Variants in EFCAB5 observed in about 807,000 individuals in gnomAD.
EFCAB5 encodes the protein EF-hand calcium-binding domain-containing protein 5.
EFCAB5 carries 131 observed loss-of-function variants against 167.9 expected under a neutral mutation model. The observed-to-expected ratio is 0.78, with a 90% CI of 0.68 to 0.90. EFCAB5 has a LOEUF of 0.90. EFCAB5 is among the 40% of genes least tolerant of loss of function. EFCAB5 has a pLI of 0.00. For synonymous variants in EFCAB5, 574 were observed against 602.8 expected (o/e 0.95, Z 0.70); for missense variants, 1,663 against 1,745.2 (o/e 0.95, Z 0.84).
chr17:30,007,860 G>A (rs990504048), intron 7 of EFCAB5, among the ~76,000 whole-genome samples: 4 of 152,054 alleles, frequency 2.6e-5, no homozygotes, highest in Admixed American at 1.3e-4. Flanking sequence ...GGTGGCTCAC[G>A]CCTGTAATCC....
intron 8 of EFCAB5, among the ~76,000 whole-genome samples, chr17:30,046,279 T>C (rs1163885799): frequency 3.3e-5 from 5 of 152,152 alleles, no homozygotes; most frequent in East Asian, 3.8e-4. Context: ...TAATCACTTA[T>C]GGTTGCTTGG....
intron 14 of EFCAB5, among the ~76,000 whole-genome samples, chr17:30,060,577 T>C (rs773906629): frequency 6.6e-5 from 10 of 152,328 alleles, no homozygotes; most frequent in Non-Finnish European, 1.3e-4. Flanking sequence ...AGGGAAAGAA[T>C]TGTCAAGGTT....
intron 1 of EFCAB5, chr17:29,930,008 C>G (rs1427244472): frequency 6.8e-7 from 1 of 1,474,512 alleles, no homozygotes; most frequent in Non-Finnish European, 9.1e-7. Flanking sequence ...CATCTAGGCG[C>G]TGCTGGGTTG....
At chr17:30,085,330 C>T (rs2071065341) in intron 18 of EFCAB5, among the ~76,000 whole-genome samples, 1 of 152,206 alleles carries the variant, frequency 6.6e-6, no homozygotes, top group Non-Finnish European at 1.5e-5. Flanking sequence ...CCCAAAGCAC[C>T]TCTGTCTATT....
chr17:30,005,482 T>C (rs1346045119), intron 7 of EFCAB5, among the ~76,000 whole-genome samples: 2 of 152,254 alleles, frequency 1.3e-5, no homozygotes, highest in Non-Finnish European at 2.9e-5. Context: ...CCATCTTACC[T>C]GATTTTTATT....
intron 7 of EFCAB5, among the ~76,000 whole-genome samples, chr17:30,021,979 A>G (rs952093291): frequency 6.6e-6 from 1 of 152,202 alleles, no homozygotes; most frequent in East Asian, 1.9e-4. Context: ...TGGAGTATGG[A>G]GAAAACTGAG....
chr17:30,094,707 T>A (rs2071264475), intron 22 of EFCAB5, among the ~76,000 whole-genome samples: 1 of 151,838 alleles, frequency 6.6e-6, no homozygotes, highest in African/African-American at 2.4e-5. Context: ...AAAAAGGAGA[T>A]ACTTTTTTTA....
chr17:30,006,031 C>A (rs182963954), intron 7 of EFCAB5, among the ~76,000 whole-genome samples: 1 of 152,338 alleles, frequency 6.6e-6, no homozygotes, highest in East Asian at 1.9e-4. Flanking sequence ...GCCTAACCAA[C>A]GTATACCTTC....
chr17:30,041,878 T>C (rs142900300), intron 8 of EFCAB5, among the ~76,000 whole-genome samples: 1 of 152,224 alleles, frequency 6.6e-6, no homozygotes, highest in Non-Finnish European at 1.5e-5. Flanking sequence ...CAGATGATCA[T>C]TAGCATTTTT....
intron 8 of EFCAB5, among the ~76,000 whole-genome samples, chr17:30,050,616 A>G (rs1381917070): frequency 6.6e-6 from 1 of 152,148 alleles, no homozygotes; most frequent in African/African-American, 2.4e-5. Context: ...TTTTGAAGCA[A>G]TGGAGGTCTC....
chr17:30,082,066 T>C (rs2070997765), intron 17 of EFCAB5, among the ~76,000 whole-genome samples: 1 of 152,200 alleles, frequency 6.6e-6, no homozygotes, highest in South Asian at 2.1e-4. Context: ...ATCCCTTCTC[T>C]GTGGAACAGG....
chr17:29,981,531 T>C (rs1251157054), intron 4 of EFCAB5, among the ~76,000 whole-genome samples: 2 of 152,226 alleles, frequency 1.3e-5, no homozygotes, highest in African/African-American at 2.4e-5. Context: ...ATTGCACTTA[T>C]CACAGTTGTG....
At chr17:29,966,663 T>C (rs187151217) in intron 3 of EFCAB5, among the ~76,000 whole-genome samples, 1 of 152,286 alleles carries the variant, frequency 6.6e-6, no homozygotes, top group East Asian at 1.9e-4. Context: ...GTTTCTCTAC[T>C]GTAAAGTTAT....
At chr17:29,971,735 T>C (rs542046334) in intron 4 of EFCAB5, among the ~76,000 whole-genome samples, 1 of 152,330 alleles carries the variant, frequency 6.6e-6, no homozygotes, top group South Asian at 2.1e-4. Context: ...TTGCTATGTA[T>C]TTGGGTACAC....
chr17:30,077,335 C>G (rs9909621), intron 14 of EFCAB5, among the ~76,000 whole-genome samples: 1 of 151,870 alleles, frequency 6.6e-6, no homozygotes, highest in Non-Finnish European at 1.5e-5. Flanking sequence ...AAATGCAAAA[C>G]GAAACCACGT....
chr17:30,096,674 TA>T (rs1345207678), intron 22 of EFCAB5, among the ~76,000 whole-genome samples: 1,735 of 62,850 alleles, frequency 0.028, 34 homozygotes, highest in South Asian at 0.075. Flanking sequence ...TATATATATA[TA>T]TATTTTTTTT....
chr17:30,002,184 A>AT lies in EFCAB5; in HGVS notation c.1044+2215dup, dbSNP rs1179575671. 9.9e-5 allele frequency among the ~76,000 whole-genome samples: 15 copies of AT among 152,234 alleles called. No homozygotes were observed. In the South Asian group the frequency reaches 2.7e-3, roughly 27 times the overall value. On this transcript the variant is annotated intron_variant, in intron 7 of 22. Coordinates refer to ENST00000394835, the MANE Select transcript of EFCAB5 (RefSeq NM_198529.4). Reference sequence around the variant, plus strand: ...AATATTCTTTAAAACATGTTTTAAAATTTTTTTATTTTGAAATAATTATAT... The same window carrying AT: ...AATATTCTTTAAAACATGTTTTAAAATTTTTTTTATTTTGAAATAATTATAT...
rs527424160 is a variant in EFCAB5, at chr17:30,094,528, A to T, written c.4321+1592A>T. Among the ~76,000 whole-genome samples, 19 of 150,376 alleles carry T rather than the reference A, an allele frequency of 1.3e-4. No homozygotes were observed. The South Asian group carries it at 2.1e-3, about 17-fold the overall frequency. ...TCTCCAAAAAAAAAAAAAAAAAAAAAAAAAAATAACTGGGTGTGGTGGTGC... is the reference window on the plus strand; with the variant it reads ...TCTCCAAAAAAAAAAAAAAAAAAAATAAAAAATAACTGGGTGTGGTGGTGC... On this transcript the variant is annotated intron_variant, in intron 22 of 22. Coordinates refer to ENST00000394835, the MANE Select transcript of EFCAB5 (RefSeq NM_198529.4).
At chr17:30,096,866 G>A (rs143337020) in intron 22 of EFCAB5, among the ~76,000 whole-genome samples, 4,296 of 147,020 alleles carry the variant, frequency 0.029, 197 homozygotes, top group African/African-American at 0.1. Flanking sequence ...TTTTAGTAGA[G>A]ACGGGGTTGC....
Sources: allele counts gnomAD v4.1 joint callset (sites outside exome capture counted in the v4.1 genomes callset), GRCh38; gene constraint gnomAD v4.1.1; transcripts MANE v1.5; gene names NCBI Gene and HGNC (gene_info 2026-07-23, HGNC 2026-07-21).